MIS18A: variants seen among roughly 807,000 people sequenced by gnomAD.
The protein encoded by MIS18A is protein Mis18-alpha.
MIS18A carries 14 observed loss-of-function variants against 25.0 expected under a neutral mutation model. The ratio of observed to expected loss-of-function variants is 0.56; its 90% confidence interval spans 0.37 to 0.88. The LOEUF is 0.88. MIS18A is among the 40% of genes least tolerant of loss of function. The probability of loss-of-function intolerance (pLI) is 0.00; values close to 1 mark genes in which losing one functional copy is unlikely to be tolerated. For missense variants in MIS18A, 292 were observed against 290.8 expected (o/e 1.00, Z -0.03); for synonymous variants, 134 against 118.6 (o/e 1.13, Z -0.84).
chr21:32,212,959 T>C, the MIS18A span, among the ~76,000 whole-genome samples: 14 of 152,338 alleles, frequency 9.2e-5, no homozygotes, highest in East Asian at 2.3e-3. Flanking sequence ...GTCTCGGGTA[T>C]ATCTTTATTA....
chr21:32,187,170 A>G, the MIS18A span, among the ~76,000 whole-genome samples: 1 of 152,202 alleles, frequency 6.6e-6, no homozygotes, highest in Admixed American at 6.5e-5. Flanking sequence ...GCCAACGATG[A>G]CACTCTGTAA....
At chr21:32,236,099 G>A in the MIS18A span, among the ~76,000 whole-genome samples, 1 of 152,040 alleles carries the variant, frequency 6.6e-6, no homozygotes, top group African/African-American at 2.4e-5. Flanking sequence ...AGTGGGCCGG[G>A]TACGGTGGCT....
chr21:32,255,707 G>A, the MIS18A span, among the ~76,000 whole-genome samples: 3 of 151,734 alleles, frequency 2.0e-5, no homozygotes, highest in East Asian at 6.0e-4. Flanking sequence ...GGCTAACACG[G>A]TGAAACCCCA....
At chr21:32,275,787 C>T (rs1253867620) in intron 1 of MIS18A, among the ~76,000 whole-genome samples, 1 of 152,008 alleles carries the variant, frequency 6.6e-6, no homozygotes, top group African/African-American at 2.4e-5. Context: ...TCATCCTGCT[C>T]CCCTGTATCT....
At chr21:32,190,379 C>T in the MIS18A span, among the ~76,000 whole-genome samples, 2 of 152,136 alleles carry the variant, frequency 1.3e-5, no homozygotes, top group African/African-American at 4.8e-5. Flanking sequence ...GGTTCCAAAC[C>T]TTTGTCTGTG....
At chr21:32,242,957 C>T in the MIS18A span, among the ~76,000 whole-genome samples, 1 of 152,146 alleles carries the variant, frequency 6.6e-6, no homozygotes, top group Non-Finnish European at 1.5e-5. Flanking sequence ...GAAACAGACC[C>T]ACACAGACAG....
At chr21:32,188,938 A>G in the MIS18A span, among the ~76,000 whole-genome samples, 2 of 152,202 alleles carry the variant, frequency 1.3e-5, no homozygotes, top group African/African-American at 4.8e-5. Flanking sequence ...ATCAGTTCCC[A>G]ATCAAACGAT....
At chr21:32,252,233 AAGAAGAAGGAGG>A in the MIS18A span, among the ~76,000 whole-genome samples, 818 of 53,756 alleles carry the variant, frequency 0.015, 1 homozygote, top group Non-Finnish European at 0.022. Flanking sequence ...GAAGAAGAAG[AAGAAGAAGGAGG>A]AGGAGGAGGA....
At chr21:32,166,303 A>AG in the MIS18A span, among the ~76,000 whole-genome samples, 1 of 152,366 alleles carries the variant, frequency 6.6e-6, no homozygotes, top group South Asian at 2.1e-4. Context: ...AGACAGTGAT[A>AG]AATTGTATTA....
At chr21:32,197,176 C>T in the MIS18A span, among the ~76,000 whole-genome samples, 3 of 152,314 alleles carry the variant, frequency 2.0e-5, no homozygotes, top group South Asian at 4.1e-4. Flanking sequence ...TCCGATCCCT[C>T]GGGATAGCTT....
At chr21:32,168,586 G>C in the MIS18A span, among the ~76,000 whole-genome samples, 1 of 152,130 alleles carries the variant, frequency 6.6e-6, no homozygotes, top group Admixed American at 6.5e-5. Context: ...AAATAAAAAT[G>C]CATTGTAAAG....
the MIS18A span, among the ~76,000 whole-genome samples, chr21:32,172,709 C>A: frequency 1.1e-3 from 169 of 152,006 alleles, no homozygotes; most frequent in African/African-American, 3.9e-3. Flanking sequence ...ACTTACAAAT[C>A]CCAGCCTCAA....
At chr21:32,260,316 C>T in the MIS18A span, 7 of 152,242 alleles carry the variant, frequency 4.6e-5, no homozygotes, top group African/African-American at 1.4e-4. Context: ...GAGAAATCAG[C>T]AAGGGCTTCC....
the MIS18A span, among the ~76,000 whole-genome samples, chr21:32,209,736 G>A: frequency 2.0e-5 from 3 of 152,242 alleles, no homozygotes; most frequent in African/African-American, 7.2e-5. Context: ...TCATCATAGT[G>A]AGTGAGTTCT....
chr21:32,232,345 C>T, the MIS18A span, among the ~76,000 whole-genome samples: 1 of 150,966 alleles, frequency 6.6e-6, no homozygotes, highest in African/African-American at 2.4e-5. Context: ...AATATATGTG[C>T]CTACCACAAT....
the MIS18A span, among the ~76,000 whole-genome samples, chr21:32,262,982 G>A: frequency 2.0e-5 from 3 of 152,258 alleles, no homozygotes; most frequent in South Asian, 2.1e-4. Flanking sequence ...GACTGCACTC[G>A]TGCCCTCGTG....
the MIS18A span, among the ~76,000 whole-genome samples, chr21:32,249,017 TC>T: frequency 6.6e-6 from 1 of 152,284 alleles, no homozygotes; most frequent in East Asian, 1.9e-4. Flanking sequence ...AAATTACTTT[TC>T]CCCTGTTGCT....
At chr21:32,188,831 G>A in the MIS18A span, among the ~76,000 whole-genome samples, 8 of 152,190 alleles carry the variant, frequency 5.3e-5, no homozygotes, top group Non-Finnish European at 1.2e-4. Flanking sequence ...AAAGAGAATG[G>A]AGAACGAGGC....
At chr21:32,207,106 A>G in the MIS18A span, among the ~76,000 whole-genome samples, 7 of 152,274 alleles carry the variant, frequency 4.6e-5, no homozygotes, top group South Asian at 1.2e-3. Context: ...GTAATGACAC[A>G]TTTTTTTATG....
Sources: allele counts gnomAD v4.1 joint callset (sites outside exome capture counted in the v4.1 genomes callset), GRCh38; gene constraint gnomAD v4.1.1; transcripts MANE v1.5; gene names NCBI Gene and HGNC (gene_info 2026-07-23, HGNC 2026-07-21).